The following MON1B variants were observed in gnomAD, a reference collection of about 807,000 sequenced individuals.
MON1B encodes the protein vacuolar fusion protein MON1 homolog B.
Under a neutral mutation model 45.1 loss-of-function variants are expected in MON1B, and 26 were observed. The ratio of observed to expected loss-of-function variants is 0.58; its 90% CI spans 0.42 to 0.80. MON1B has a LOEUF of 0.80. Ranked by LOEUF, MON1B falls within the 30% of genes least tolerant of loss-of-function variation. The pLI, the probability that MON1B is intolerant of heterozygous loss-of-function variation, is 0.00. For synonymous variants in MON1B, 395 were observed against 320.2 expected (o/e 1.23, Z -2.49); for missense variants, 737 against 754.5 (o/e 0.98, Z 0.27).
rs986575459 is a variant in MON1B, at chr16:77,202,173, C to G, written c.*3865C>G. 2.0e-5 allele frequency: 3 copies of G among 152,090 alleles called. No homozygotes were observed. The highest frequency in any genetic ancestry group is 7.2e-5 in the African/African-American group (3 of 41,406). 9.4% of individuals were successfully genotyped at this position (152,090 alleles called of 1,614,324 possible). A position where few individuals can be genotyped will look rare whatever the true frequency, so the allele number is the denominator to read the frequency against. On this transcript the variant is annotated 3_prime_UTR_variant, in exon 6 of 6. Transcript: ENST00000248248. ...ATTCATATTGGATCAGTATTAACAT[C>G]CAGGTTTTGATTGTTGTACTATGGT... is the stretch of plus-strand genomic sequence containing the variant.
chr16:77,192,703 G>C (rs901188447), intron 2 of MON1B, among the ~76,000 whole-genome samples: 8 of 152,070 alleles, frequency 5.3e-5, no homozygotes, highest in African/African-American at 1.5e-4. Flanking sequence ...TTGGGGGTAG[G>C]GGGGAGTAGA....
rs1182437441 is a variant in MON1B at position 77,200,028 on chromosome 16, T to A, written c.*1720T>A. Reference sequence around the variant, plus strand: ...AGACACTATTGGAAATTGTATTCCATCCAAAAGAAAAAAAAATCTCAGGCC... The same window carrying A: ...AGACACTATTGGAAATTGTATTCCAACCAAAAGAAAAAAAAATCTCAGGCC... On this transcript the variant is annotated 3_prime_UTR_variant, in exon 6 of 6. Transcript: ENST00000248248. The A allele has an allele frequency of 6.6e-6, 1 of 150,428 alleles. No individual in the cohort carries two copies. Among genetic ancestry groups the A allele is most frequent in the South Asian group, 2.1e-4 (1 of 4,780 alleles). 9.3% of individuals were successfully genotyped at this position (150,428 alleles called of 1,614,324 possible).
chr16:77,195,255 C>G, intron 4 of MON1B, 101 bp downstream of exon 4: 1 of 1,217,832 alleles, frequency 8.2e-7, no homozygotes, highest in South Asian at 1.6e-5. Flanking sequence ...ACCAGCCATG[C>G]TTAAGAAAGA....
rs1791343239 is a variant in MON1B at position 77,200,301 on chromosome 16, AATC to A, written c.*1995_*1997del. The A allele has an allele frequency of 1.6e-5, 1 of 61,718 alleles. No homozygotes were observed. The highest frequency in any genetic ancestry group is 4.9e-4 in the South Asian group (1 of 2,054). 3.8% of individuals were successfully genotyped at this position (61,718 alleles called of 1,614,324 possible). A position where few individuals can be genotyped will look rare whatever the true frequency, so the allele number is the denominator to read the frequency against. On this transcript the variant is annotated 3_prime_UTR_variant, in exon 6 of 6. Coordinates refer to ENST00000248248, the MANE Select transcript of MON1B (RefSeq NM_014940.4). ...ATATATATATATATATACACACACT[AATC>A]AGCCGGGCGCGGTGGTGTGGGCCTG...
At chr16:77,196,955 C>T (rs972186821) in intron 5 of MON1B, among the ~76,000 whole-genome samples, 1 of 152,200 alleles carries the variant, frequency 6.6e-6, no homozygotes, top group Admixed American at 6.5e-5. Context: ...AGGCTGATCC[C>T]TGTGTCTCTG....
chr16:77,196,974 C>T (rs954688071), intron 5 of MON1B, among the ~76,000 whole-genome samples: 1 of 152,170 alleles, frequency 6.6e-6, no homozygotes, highest in Non-Finnish European at 1.5e-5. Context: ...TGACACGTCC[C>T]CTTCACTATG....
Position 77,198,309 on chromosome 16 carries a change from T to C in MON1B, c.*1T>C, listed in dbSNP as rs1181692696. On this transcript the variant is annotated 3_prime_UTR_variant, in exon 6 of 6. Coordinates refer to ENST00000248248, the MANE Select transcript of MON1B (RefSeq NM_014940.4). ...TAATGGCTTGTTCACTGGACTCTGA[T>C]AGTTGGAGCTCCCAGACCAGGCAGT... 6.2e-7 allele frequency: 1 copy of C among 1,613,828 alleles called. No individual in the cohort carries two copies. The highest frequency in any genetic ancestry group is 1.7e-5 in the Admixed American group (1 of 60,026).
Position 77,195,008 on chromosome 16 carries a change from T to G in MON1B, c.1149T>G (p.Leu383=), listed in dbSNP as rs746524393. 6.2e-7 allele frequency: 1 copy of G among 1,613,492 alleles called. No homozygotes were observed. The highest frequency in any genetic ancestry group is 1.3e-5 in the African/African-American group (1 of 75,066). ...ATGCCCTTGGTGCCATGCGTGCCCTTGGGGAGGCTGCCAGCTTCTCTAATG... is the reference window on the plus strand; with the variant it reads ...ATGCCCTTGGTGCCATGCGTGCCCTGGGGGAGGCTGCCAGCTTCTCTAATG... The part of the protein sequence containing the change: ...GMHALGAMRA[L]GEAASFSNAS... The change falls in exon 4 of 6, where the codon CTT becomes CTG. Residue 383 remains leucine, a synonymous_variant. Coordinates refer to ENST00000248248, the MANE Select transcript of MON1B (RefSeq NM_014940.4).
chr16:77,191,924 T>G (rs1005175136), intron 2 of MON1B, among the ~76,000 whole-genome samples: 2 of 151,974 alleles, frequency 1.3e-5, no homozygotes, highest in African/African-American at 4.8e-5. Flanking sequence ...TTTAGAGTGT[T>G]TAGATCAAAG....
In MON1B at chr16:77,194,424, G is replaced by A. The variant is rs1295983157; in HGVS notation, c.565G>A (p.Glu189Lys). 1.2e-6 allele frequency: 2 copies of A among 1,613,918 alleles called. No homozygotes were observed. The highest frequency in any genetic ancestry group is 1.7e-6 in the Non-Finnish European group (2 of 1,180,030). ...TCAGTCAGCAGCCCAGCTGCGGGGGGAGCTGCTAGCTGTGCACGCACAGAT... is the reference window on the plus strand; with the variant it reads ...TCAGTCAGCAGCCCAGCTGCGGGGGAAGCTGCTAGCTGTGCACGCACAGAT... ...TSQSAAQLRG[E>K]LLAVHAQIVS... The change falls in exon 4 of 6, where the codon GAG (glutamate) becomes AAG (lysine). Residue 189 changes from glutamate (E) to lysine (K), a missense_variant. By Grantham distance (56) the Glu-to-Lys change is moderately conservative. Transcript: ENST00000248248. The surrounding 1 kb of genome is among the most constrained non-coding windows in gnomAD (Gnocchi z 8.1).
rs761780357 is a variant in MON1B, at chr16:77,198,186, C to T, written c.1522C>T (p.Leu508Phe). 1.2e-6 allele frequency: 2 copies of T among 1,614,072 alleles called. No individual in the cohort carries two copies. The highest frequency in any genetic ancestry group is 2.2e-5 in the East Asian group (1 of 44,874). Residue 508 changes from leucine (L) to phenylalanine (F), a missense_variant, in exon 6 of 6, where the codon CTC becomes TTC. Leu to Phe is a conservative substitution (Grantham distance 22). Transcript: ENST00000248248. ...AGGTGCAATCTTGGTAGTGACCAAA[C>T]TCCTGCGCTGGGTGAAGAAAGAGGA... Reference protein sequence around the residue: ...KAGAILVVTKLLRWVKKEEDR... With the variant: ...KAGAILVVTKFLRWVKKEEDR...
chr16:77,199,649 A>C lies in MON1B; in HGVS notation c.*1341A>C. 1.3e-6 allele frequency: 1 copy of C among 754,234 alleles called. No individual in the cohort carries two copies. The highest frequency in any genetic ancestry group is 2.9e-5 in the Admixed American group (1 of 34,072). 46.7% of individuals were successfully genotyped at this position (754,234 alleles called of 1,614,324 possible). A position where few individuals can be genotyped will look rare whatever the true frequency, so the allele number is the denominator to read the frequency against. The stretch of plus-strand genomic sequence containing the variant: ...ATGTTAAGCCTTTTGTTATTGAAGA[A>C]AAACAATTTTTTAACCGTTCAGCAC... On this transcript the variant is annotated 3_prime_UTR_variant, in exon 6 of 6. Coordinates refer to ENST00000248248, the MANE Select transcript of MON1B (RefSeq NM_014940.4).
Position 77,198,977 on chromosome 16 carries a change from G to C in MON1B, c.*669G>C. 6.2e-6 allele frequency: 1 copy of C among 161,032 alleles called. No homozygotes were observed. Among genetic ancestry groups the C allele is most frequent in the East Asian group, 1.9e-4 (1 of 5,402 alleles). 10.0% of individuals were successfully genotyped at this position (161,032 alleles called of 1,614,324 possible). A position where few individuals can be genotyped will look rare whatever the true frequency, so the allele number is the denominator to read the frequency against. ...GCTGAAATCCAGCATTTTTACATAG[G>C]AGATGCACTTAGCCTCTAAGCCTCG... On this transcript the variant is annotated 3_prime_UTR_variant, in exon 6 of 6. Transcript: ENST00000248248.
chr16:77,197,495 G>A (rs565418289), intron 5 of MON1B, among the ~76,000 whole-genome samples: 12 of 152,312 alleles, frequency 7.9e-5, no homozygotes, highest in Middle Eastern at 3.4e-3. Context: ...TCTGAGTGGA[G>A]TAGGGAGGTA....
In MON1B at chr16:77,191,490, A is replaced by T; in HGVS notation, c.5A>T (p.Glu2Val). ...CTCCCACTCAGGGATGTGCAGATGG[A>T]GGTCGGAGGAGACACTGCTGCCCCG... MEVGGDTAAPAP... is the reference protein window; with the variant it reads MVVGGDTAAPAP... The change falls in exon 2 of 6, where the codon GAG (glutamate) becomes GTG (valine). Residue 2 changes from glutamate (E) to valine (V), a missense_variant. Physicochemically the swap from Glu to Val is moderately radical, Grantham distance 121. Transcript: ENST00000248248. 1 of 1,600,134 alleles carries T rather than the reference A, an allele frequency of 6.2e-7. No individual in the cohort carries two copies. The highest frequency in any genetic ancestry group is 8.5e-7 in the Non-Finnish European group (1 of 1,175,628).
chr16:77,195,237 G>T, intron 4 of MON1B, 83 bp downstream of exon 4: 1 of 1,309,070 alleles, frequency 7.6e-7, no homozygotes, highest in Non-Finnish European at 1.0e-6. Flanking sequence ...TGTGACTCAG[G>T]AGAGATAACC....
At chr16:77,197,707 T>G (rs547846714) in intron 5 of MON1B, among the ~76,000 whole-genome samples, 178 of 152,246 alleles carry the variant, frequency 1.2e-3, no homozygotes, top group Non-Finnish European at 2.1e-3. Flanking sequence ...GGCCTCTCCA[T>G]GTGGTATGAG....
At position 77,194,414 on chromosome 16, in the gene MON1B, G is replaced by C. The variant is rs144915497; in HGVS notation, c.555G>C (p.Gln185His). 5.6e-6 allele frequency: 9 copies of C among 1,613,638 alleles called. No individual in the cohort carries two copies. In the African/African-American group the frequency reaches 8.0e-5, roughly 14 times the overall value. ...AMSRTSQSAA[Q>H]LRGELLAVHA... is the part of the protein sequence containing the mutation. ...CACGGACTTCTCAGTCAGCAGCCCAGCTGCGGGGGGAGCTGCTAGCTGTGC... is the reference window on the plus strand; with the variant it reads ...CACGGACTTCTCAGTCAGCAGCCCACCTGCGGGGGGAGCTGCTAGCTGTGC... The change falls in exon 4 of 6, where the codon CAG becomes CAC. Residue 185 changes from glutamine to histidine, a missense_variant. Transcript: ENST00000248248. The surrounding 1 kb of genome is among the most constrained non-coding windows in gnomAD (Gnocchi z 8.1).
Position 77,194,772 on chromosome 16 carries a change from C to G in MON1B, c.913C>G (p.Gln305Glu), listed in dbSNP as rs890974450. Residue 305 changes from glutamine (Q) to glutamate (E), a missense_variant, in exon 4 of 6, where the codon CAG (glutamine) becomes GAG (glutamate). Gln to Glu is a conservative substitution (Grantham distance 29). Coordinates refer to ENST00000248248, the MANE Select transcript of MON1B (RefSeq NM_014940.4). This position sits in a 1 kb window ranked among gnomAD's most constrained non-coding sequence, Gnocchi z 8.1. ...AECRLDPADL[Q>E]LLLDWVGAPA... Reference sequence around the variant, plus strand: ...GTGCCGGCTGGACCCAGCTGACCTGCAGTTGCTGCTCGACTGGGTGGGTGC... The same window carrying G: ...GTGCCGGCTGGACCCAGCTGACCTGGAGTTGCTGCTCGACTGGGTGGGTGC... 6.2e-6 allele frequency: 10 copies of G among 1,613,918 alleles called. No homozygotes were observed. The highest frequency in any genetic ancestry group is 8.5e-6 in the Non-Finnish European group (10 of 1,179,974).
Sources: gnomAD v4.1 joint callset for allele counts (sites outside exome capture counted in the v4.1 genomes callset) on GRCh38, gnomAD v4.1.1 for gene constraint, Gnocchi (gnomAD v3.1) non-coding constraint, MANE v1.5 for transcripts, NCBI Gene and HGNC (gene_info 2026-07-23, HGNC 2026-07-21) for gene names.